DOCK1: variants seen among roughly 807,000 people sequenced by gnomAD.
The protein encoded by DOCK1 is dedicator of cytokinesis protein 1.
DOCK1 carries 138 observed loss-of-function variants against 262.7 expected under a neutral mutation model. That is an observed-to-expected ratio of 0.53 (90% CI 0.46 to 0.61). The LOEUF is 0.61. Among genes scored for constraint, DOCK1 ranks in the 20% least tolerant of loss-of-function variants. DOCK1 has a pLI of 0.00. For synonymous variants in DOCK1, 866 were observed against 867.4 expected, an observed-to-expected ratio of 1.00 and a Z score of 0.03; for missense variants, 1,908 against 2,370.7, an observed-to-expected ratio of 0.80 and a Z score of 4.05.
rs576144383 is a variant in DOCK1 at position 127,009,558 on chromosome 10, A to G, written c.1058+754A>G. ...AATCCAGATGGTTGAGGTTAATTGT[A>G]AGAGACAGCTTCCTCCTGGGCGTGG... On this transcript the variant is annotated intron_variant, in intron 11 of 51. Coordinates refer to ENST00000623213, the MANE Select transcript of DOCK1 (RefSeq NM_001290223.2). 5.3e-5 allele frequency among the ~76,000 whole-genome samples: 8 copies of G among 152,238 alleles called. No homozygotes were observed. In the East Asian group the frequency reaches 1.4e-3, roughly 26 times the overall value.
intron 1 of DOCK1, among the ~76,000 whole-genome samples, chr10:126,913,537 A>G (rs2032117156): frequency 6.6e-6 from 1 of 152,148 alleles, no homozygotes; most frequent in African/African-American, 2.4e-5. Flanking sequence ...CTTTAATATC[A>G]GGAGCTCATG....
chr10:127,261,159 ATC>A (rs1256951882), intron 29 of DOCK1, among the ~76,000 whole-genome samples: 1 of 103,282 alleles, frequency 9.7e-6, no homozygotes, highest in Non-Finnish European at 1.9e-5. Flanking sequence ...ACCCGTGCTC[ATC>A]TGTGTGTGTC....
chr10:127,122,288 A>AC (rs2049642032), intron 25 of DOCK1, among the ~76,000 whole-genome samples: 1 of 152,156 alleles, frequency 6.6e-6, no homozygotes, highest in South Asian at 2.1e-4. Flanking sequence ...AGCCTGTGTG[A>AC]CCCTCTGCCT....
At chr10:126,928,278 G>T in intron 1 of DOCK1, among the ~76,000 whole-genome samples, 1 of 152,318 alleles carries the variant, frequency 6.6e-6, no homozygotes, top group South Asian at 2.1e-4. Context: ...GTGGGCCAGG[G>T]TTCAGCCTGA....
Position 127,418,516 on chromosome 10 carries a change from TG to T in DOCK1, c.4673del (p.Gly1558AlafsTer31). 6.2e-7 allele frequency: 1 copy of T among 1,613,860 alleles called. No homozygotes were observed. The highest frequency in any genetic ancestry group is 1.1e-5 in the South Asian group (1 of 91,074). ...LLNGIVDPAV[M>X]GGFANYEKAF... ...AACGGCATCGTGGACCCAGCTGTCA[TG>T]GGGGGCTTCGCAAACTACGAAAAGG... On this transcript the variant is annotated frameshift_variant, in exon 45 of 52. Coordinates refer to ENST00000623213, the MANE Select transcript of DOCK1 (RefSeq NM_001290223.2). LOFTEE classifies it high-confidence loss of function.
intron 29 of DOCK1, among the ~76,000 whole-genome samples, chr10:127,271,597 C>T (rs570013886): frequency 2.4e-4 from 36 of 152,242 alleles, no homozygotes; most frequent in African/African-American, 7.5e-4. Flanking sequence ...TTGTCATGTG[C>T]GATTTTGTGC....
rs954376783 is a variant in DOCK1 at position 127,379,738 on chromosome 10, CATTT to C, written c.3676-340_3676-337del. On this transcript the variant is annotated intron_variant, in intron 35 of 51. Coordinates refer to ENST00000623213, the MANE Select transcript of DOCK1 (RefSeq NM_001290223.2). ...AATTTGGGATATTTATTTATGTATT[CATTT>C]ATTCTGATGAGATTACTATGGCTAA... Among the ~76,000 whole-genome samples the C allele has an allele frequency of 1.3e-3, 195 of 152,176 alleles. 1 individual carries two copies. Among genetic ancestry groups the C allele is most frequent in the African/African-American group, 4.5e-3 (186 of 41,520 alleles).
At chr10:127,374,297 G>A (rs553618694) in intron 35 of DOCK1, 83 bp downstream of exon 35, 1 of 1,461,842 alleles carries the variant, frequency 6.8e-7, no homozygotes, top group African/African-American at 1.4e-5. Flanking sequence ...CCTTATCTAT[G>A]ACAGTCAGCC....
At chr10:127,416,362 C>T (rs1057449460) in intron 44 of DOCK1, among the ~76,000 whole-genome samples, 4 of 152,178 alleles carry the variant, frequency 2.6e-5, no homozygotes, top group Non-Finnish European at 5.9e-5. Flanking sequence ...ATGTGAGAGA[C>T]AACAGAAGAG....
chr10:127,261,207 CTGCATGTGTG>C (rs1332285570), intron 29 of DOCK1, among the ~76,000 whole-genome samples: 3 of 42,356 alleles, frequency 7.1e-5, no homozygotes, highest in South Asian at 1.1e-3. Flanking sequence ...GTGTGTGTAC[CTGCATGTGTG>C]TGCATGTGGG....
chr10:127,011,595 A>C (rs2135300380), intron 11 of DOCK1, among the ~76,000 whole-genome samples: 2 of 152,314 alleles, frequency 1.3e-5, no homozygotes, highest in African/African-American at 4.8e-5. Flanking sequence ...CATCTGTCAC[A>C]GGCTCCTGGT....
intron 51 of DOCK1, among the ~76,000 whole-genome samples, chr10:127,448,502 C>A (rs1007942656): frequency 4.6e-5 from 7 of 152,180 alleles, no homozygotes; most frequent in African/African-American, 1.7e-4. Context: ...TCATGTCGGG[C>A]CCAGGCATGT....
At position 127,439,207 on chromosome 10, in the gene DOCK1, T is replaced by C; in HGVS notation, c.5241T>C (p.Ala1747=). ...ACATTTCCCTGCAGCAGTCTGAGGCTGTGATCCTTTCGGAAACGGTAACCC... is the reference window on the plus strand; with the variant it reads ...ACATTTCCCTGCAGCAGTCTGAGGCCGTGATCCTTTCGGAAACGGTAACCC... ...PTDISLQQSE[A]VILSETISPL... The change falls in exon 49 of 52, where the codon GCT becomes GCC. Residue 1747 remains alanine (A), a synonymous_variant. Transcript: ENST00000623213. 6.2e-7 allele frequency: 1 copy of C among 1,610,986 alleles called. No homozygotes were observed. The highest frequency in any genetic ancestry group is 8.5e-7 in the Non-Finnish European group (1 of 1,178,702).
intron 29 of DOCK1, among the ~76,000 whole-genome samples, chr10:127,318,459 T>C (rs2062378197): frequency 6.6e-6 from 1 of 152,058 alleles, no homozygotes; most frequent in Non-Finnish European, 1.5e-5. Flanking sequence ...GACTTAACCA[T>C]GTGTGCAGGA....
intron 27 of DOCK1, among the ~76,000 whole-genome samples, chr10:127,235,790 T>G (rs1333010016): frequency 1.4e-4 from 1 of 7,320 alleles, no homozygotes; most frequent in African/African-American, 2.1e-4. Context: ...TGGTGGTTGT[T>G]TTTTTTTTTA....
chr10:126,974,650 G>A (rs1444639063), intron 2 of DOCK1, among the ~76,000 whole-genome samples: 3 of 152,054 alleles, frequency 2.0e-5, no homozygotes, highest in Non-Finnish European at 2.9e-5. Context: ...CTTACTCTCC[G>A]GTGCAAAACC....
At chr10:126,950,820 TC>T (rs2036150570) in intron 1 of DOCK1, among the ~76,000 whole-genome samples, 1 of 152,124 alleles carries the variant, frequency 6.6e-6, no homozygotes, top group African/African-American at 2.4e-5. Flanking sequence ...GAGTTTCTGG[TC>T]TTTCCCAGGG....
chr10:127,254,381 TG>T (rs1343466148), intron 28 of DOCK1, among the ~76,000 whole-genome samples: 1 of 152,198 alleles, frequency 6.6e-6, no homozygotes, highest in Non-Finnish European at 1.5e-5. Flanking sequence ...TCCCCCTGTA[TG>T]TTCTGCAAAC....
intron 27 of DOCK1, among the ~76,000 whole-genome samples, chr10:127,142,210 AG>A (rs1405898704): frequency 6.6e-6 from 1 of 152,178 alleles, no homozygotes; most frequent in African/African-American, 2.4e-5. Context: ...CTGCTTTCCC[AG>A]GGCGGCTCCA....
Sources: allele counts gnomAD v4.1 joint callset (sites outside exome capture counted in the v4.1 genomes callset), GRCh38; gene constraint gnomAD v4.1.1; transcripts MANE v1.5; gene names NCBI Gene and HGNC (gene_info 2026-07-23, HGNC 2026-07-21).